The following SMYD3 variants were observed in gnomAD, a reference collection of about 807,000 sequenced individuals.
SMYD3 encodes histone-lysine N-methyltransferase SMYD3.
SMYD3 carries 36 observed loss-of-function variants against 57.7 expected under a neutral mutation model. That is an observed-to-expected ratio of 0.62 (90% CI 0.48 to 0.82). The LOEUF (loss-of-function observed/expected upper bound fraction) is 0.82. Ranked by LOEUF, SMYD3 falls within the 40% of genes least tolerant of loss-of-function variation. The probability of loss-of-function intolerance (pLI) is 0.00; values close to 1 mark genes in which losing one functional copy is unlikely to be tolerated. For missense variants in SMYD3, 515 were observed against 538.8 expected (o/e 0.96, Z 0.44); for synonymous variants, 211 against 195.0 (o/e 1.08, Z -0.68).
At chr1:245,820,485 C>G (rs1177947138) in intron 10 of SMYD3, among the ~76,000 whole-genome samples, 2 of 147,740 alleles carry the variant, frequency 1.4e-5, no homozygotes, top group Non-Finnish European at 3.0e-5. Context: ...AAAACTGGCA[C>G]AAGACAGGGA....
intron 5 of SMYD3, among the ~76,000 whole-genome samples, chr1:246,108,986 C>T (rs1424119336): frequency 6.6e-6 from 1 of 152,148 alleles, no homozygotes; most frequent in African/African-American, 2.4e-5. Context: ...AGGGTTACAT[C>T]TTTGCTCTGT....
At position 246,177,939 on chromosome 1, in the gene SMYD3, T is replaced by C. The variant is rs990000454; in HGVS notation, c.531+149262A>G. ...GCAGGCTTAGGGAGGTGCTACTCTC[T>C]TGGTTCCTGCTTTCAAAAAGGGTGC... On this transcript the variant is annotated intron_variant, in intron 5 of 11. Coordinates refer to ENST00000490107, the MANE Select transcript of SMYD3 (RefSeq NM_001167740.2). 2.0e-5 allele frequency among the ~76,000 whole-genome samples: 3 copies of C among 152,220 alleles called. No individual in the cohort carries two copies. In the East Asian group the frequency reaches 5.8e-4, roughly 29 times the overall value.
At chr1:245,870,868 C>A (rs774811780) in intron 8 of SMYD3, among the ~76,000 whole-genome samples, 1 of 152,074 alleles carries the variant, frequency 6.6e-6, no homozygotes, top group Admixed American at 6.6e-5. Context: ...CCTTGCAGCT[C>A]GAACACTTGA....
intron 5 of SMYD3, among the ~76,000 whole-genome samples, chr1:246,267,885 C>A (rs187811171): frequency 2.0e-5 from 3 of 152,292 alleles, no homozygotes; most frequent in East Asian, 3.9e-4. Flanking sequence ...GTCTAGGGTC[C>A]TTTGTCTTTG....
intron 5 of SMYD3, among the ~76,000 whole-genome samples, chr1:246,274,699 G>A (rs1044917055): frequency 6.6e-6 from 1 of 152,030 alleles, no homozygotes; most frequent in African/African-American, 2.4e-5. Context: ...CAGGCCGTCC[G>A]AAGGTCAATC....
chr1:245,882,635 C>G (rs976337293), intron 8 of SMYD3, among the ~76,000 whole-genome samples: 4 of 152,066 alleles, frequency 2.6e-5, no homozygotes, highest in African/African-American at 9.7e-5. Flanking sequence ...ACCCTTGGGT[C>G]CCAGTTCTTA....
At chr1:246,445,095 G>A (rs1441247840) in intron 1 of SMYD3, among the ~76,000 whole-genome samples, 4 of 152,158 alleles carry the variant, frequency 2.6e-5, no homozygotes, top group African/African-American at 9.7e-5. Context: ...TCACTGAATT[G>A]TTGTGAGGAT....
intron 1 of SMYD3, among the ~76,000 whole-genome samples, chr1:246,369,517 G>C (rs933164001): frequency 1.1e-4 from 16 of 151,978 alleles, no homozygotes; most frequent in Non-Finnish European, 1.9e-4. Context: ...AATTGATTTG[G>C]ATTCATTTTT....
At chr1:246,200,359 G>A (rs1264505856) in intron 5 of SMYD3, among the ~76,000 whole-genome samples, 4 of 150,550 alleles carry the variant, frequency 2.7e-5, no homozygotes, top group African/African-American at 7.3e-5. Flanking sequence ...GTACACAAAC[G>A]TCCACTGTGA....
At chr1:246,045,326 T>C (rs2059943852) in intron 5 of SMYD3, among the ~76,000 whole-genome samples, 1 of 152,016 alleles carries the variant, frequency 6.6e-6, no homozygotes, top group Non-Finnish European at 1.5e-5. Context: ...GAAATAATGC[T>C]GCATATCTAC....
chr1:246,343,572 T>C (rs147168515), intron 2 of SMYD3, among the ~76,000 whole-genome samples: 72 of 152,272 alleles, frequency 4.7e-4, no homozygotes, highest in African/African-American at 1.6e-3. Flanking sequence ...TCAAAGACTA[T>C]ACATTGGTAG....
intron 5 of SMYD3, among the ~76,000 whole-genome samples, chr1:245,965,378 A>C (rs542249363): frequency 6.6e-6 from 1 of 152,358 alleles, no homozygotes; most frequent in Admixed American, 6.5e-5. Flanking sequence ...ACTCTACGGC[A>C]ACCATTTTAA....
At chr1:246,463,718 C>A (rs1339388894) in intron 1 of SMYD3, among the ~76,000 whole-genome samples, 1 of 144,962 alleles carries the variant, frequency 6.9e-6, no homozygotes, top group African/African-American at 2.5e-5. Context: ...CGCCTGTAGT[C>A]CCAGCTACTC....
intron 10 of SMYD3, among the ~76,000 whole-genome samples, chr1:245,826,030 T>TTTTTTGAGACGG (rs1572449561): frequency 7.2e-6 from 1 of 138,328 alleles, no homozygotes; most frequent in African/African-American, 2.6e-5. Context: ...ATGTTGTATT[T>TTTTTTGAGACGG]AATTAAATAT....
chr1:246,507,241 G>A lies in SMYD3; in HGVS notation c.-24C>T. 3 of 1,491,108 alleles carry A rather than the reference G, an allele frequency of 2.0e-6. No homozygotes were observed. The East Asian group carries it at 8.4e-5, about 42-fold the overall frequency. The allele number at this position is 1,491,108 out of a possible 1,614,324, so 92.4% of individuals were successfully genotyped here. A position where few individuals can be genotyped will look rare whatever the true frequency, so the allele number is the denominator to read the frequency against. On this transcript the variant is annotated 5_prime_UTR_variant, in exon 1 of 12. Coordinates refer to ENST00000490107, the MANE Select transcript of SMYD3 (RefSeq NM_001167740.2). ...ATCCTCCCGCAGCTCCGGCACCTCA[G>A]ACGGCTACCCGCGTCCAGCAGCGGG...
At chr1:245,810,621 G>A (rs986027734) in intron 10 of SMYD3, among the ~76,000 whole-genome samples, 3 of 152,162 alleles carry the variant, frequency 2.0e-5, no homozygotes, top group Non-Finnish European at 2.9e-5. Context: ...TCTGACCTGC[G>A]CTATGGACCT....
At chr1:245,967,216 T>C (rs542498851) in intron 5 of SMYD3, among the ~76,000 whole-genome samples, 2 of 152,336 alleles carry the variant, frequency 1.3e-5, no homozygotes, top group East Asian at 1.9e-4. Flanking sequence ...CATATTATCT[T>C]TATTAATCTG....
intron 2 of SMYD3, among the ~76,000 whole-genome samples, chr1:246,348,034 C>A (rs979141144): frequency 1.1e-5 from 1 of 91,504 alleles, no homozygotes. Context: ...AGGTGCCCAT[C>A]ATTGGTGGAC....
At chr1:246,018,675 A>G (rs964134134) in intron 5 of SMYD3, among the ~76,000 whole-genome samples, 1 of 150,928 alleles carries the variant, frequency 6.6e-6, no homozygotes, top group African/African-American at 2.5e-5. Flanking sequence ...CAAAAATCAC[A>G]GCTCACTGCA....
Sources: gnomAD v4.1 joint callset for allele counts (sites outside exome capture counted in the v4.1 genomes callset) on GRCh38, gnomAD v4.1.1 for gene constraint, MANE v1.5 for transcripts, NCBI Gene and HGNC (gene_info 2026-07-23, HGNC 2026-07-21) for gene names.